Variants in GARIN2 observed in about 807,000 individuals in gnomAD.
GARIN2 encodes the protein Golgi-associated RAB2 interactor protein 2.
At chr14:67,193,053 T>A in the GARIN2 span, among the ~76,000 whole-genome samples, 15 of 145,320 alleles carry the variant, frequency 1.0e-4, 1 homozygote, top group Non-Finnish European at 1.5e-5. Context: ...GATATAGATA[T>A]ATCTCTATAT....
At chr14:67,203,033 G>A in the GARIN2 span, 5 of 1,546,696 alleles carry the variant, frequency 3.2e-6, no homozygotes, top group Non-Finnish European at 4.4e-6. Context: ...TCTCAGGCAA[G>A]CAAGGTTGTC....
the GARIN2 span, among the ~76,000 whole-genome samples, chr14:67,207,037 G>A: frequency 3.3e-5 from 5 of 151,980 alleles, no homozygotes; most frequent in African/African-American, 9.7e-5. Context: ...TTCCAAATAC[G>A]CTATAATAAA....
the GARIN2 span, among the ~76,000 whole-genome samples, chr14:67,193,719 G>T: frequency 6.8e-6 from 1 of 147,224 alleles, no homozygotes; most frequent in Non-Finnish European, 1.5e-5. Context: ...AAAACAGGTG[G>T]ATCACTTGAG....
the GARIN2 span, among the ~76,000 whole-genome samples, chr14:67,193,052 A>C: frequency 6.9e-6 from 1 of 145,204 alleles, no homozygotes; most frequent in African/African-American, 2.5e-5. Context: ...AGATATAGAT[A>C]TATCTCTATA....
chr14:67,218,014 C>T, the GARIN2 span, among the ~76,000 whole-genome samples: 23,895 of 151,984 alleles, frequency 0.16, 3,552 homozygotes, highest in East Asian at 0.42. Flanking sequence ...GTGGATGCAA[C>T]AGTGTAGTCT....
chr14:67,206,591 ATAAAATGTT>A, the GARIN2 span, among the ~76,000 whole-genome samples: 7 of 152,194 alleles, frequency 4.6e-5, no homozygotes, highest in Admixed American at 6.5e-5. Context: ...AATGCTTATA[ATAAAATGTT>A]AAGTGAAAAA....
At chr14:67,193,539 A>G in the GARIN2 span, among the ~76,000 whole-genome samples, 1 of 144,400 alleles carries the variant, frequency 6.9e-6, no homozygotes, top group Non-Finnish European at 1.5e-5. Context: ...ATCTATAGAA[A>G]TATATATCTA....
chr14:67,203,298 G>T, the GARIN2 span: 150 of 1,566,708 alleles, frequency 9.6e-5, no homozygotes, highest in Non-Finnish European at 1.2e-4. Flanking sequence ...CACCAGGTGA[G>T]TTACAAAGAG....
the GARIN2 span, among the ~76,000 whole-genome samples, chr14:67,190,839 G>C: frequency 6.6e-6 from 1 of 152,160 alleles, no homozygotes; most frequent in Non-Finnish European, 1.5e-5. Flanking sequence ...AAATCACCCA[G>C]GTAAATGCCA....
the GARIN2 span, among the ~76,000 whole-genome samples, chr14:67,212,516 G>A: frequency 3.3e-5 from 5 of 150,206 alleles, no homozygotes; most frequent in South Asian, 1.1e-3. Context: ...ACCTAATCCT[G>A]GGGGGTTGAG....
At chr14:67,214,382 A>G in the GARIN2 span, among the ~76,000 whole-genome samples, 1 of 152,192 alleles carries the variant, frequency 6.6e-6, no homozygotes, top group Admixed American at 6.5e-5. Flanking sequence ...CTTTCTACAT[A>G]TGGCTAGCCA....
chr14:67,225,970 C>T, the GARIN2 span, among the ~76,000 whole-genome samples: 21,151 of 104,786 alleles, frequency 0.2, 2,798 homozygotes, highest in East Asian at 0.46. Flanking sequence ...TGTGCGCGCG[C>T]GCGCGTGCGC....
the GARIN2 span, chr14:67,198,088 GAT>G: frequency 6.6e-7 from 1 of 1,524,324 alleles, no homozygotes; most frequent in Non-Finnish European, 8.8e-7. Flanking sequence ...ACTTAATTAT[GAT>G]ATTAAATTCT....
At chr14:67,217,646 T>G in the GARIN2 span, among the ~76,000 whole-genome samples, 4 of 152,208 alleles carry the variant, frequency 2.6e-5, no homozygotes, top group African/African-American at 9.6e-5. Context: ...TTTCTATATA[T>G]AAGTCCCTTG....
At chr14:67,208,449 G>C in the GARIN2 span, 2 of 1,611,548 alleles carry the variant, frequency 1.2e-6, no homozygotes, top group Non-Finnish European at 1.7e-6. Context: ...GAAGAATCCA[G>C]GTATGTGAGG....
At chr14:67,203,819 C>T in the GARIN2 span, among the ~76,000 whole-genome samples, 5 of 152,208 alleles carry the variant, frequency 3.3e-5, no homozygotes, top group Non-Finnish European at 7.3e-5. Flanking sequence ...TCAAGCGATT[C>T]TCCTGTCTCA....
At chr14:67,219,784 C>T in the GARIN2 span, among the ~76,000 whole-genome samples, 3 of 152,116 alleles carry the variant, frequency 2.0e-5, no homozygotes, top group Admixed American at 6.6e-5. Flanking sequence ...CAGCTCCCTA[C>T]GCCATTTATC....
chr14:67,217,947 T>G, the GARIN2 span, among the ~76,000 whole-genome samples: 1 of 152,122 alleles, frequency 6.6e-6, no homozygotes, highest in African/African-American at 2.4e-5. Flanking sequence ...AAAGACTTAT[T>G]TATATGAATG....
the GARIN2 span, chr14:67,221,743 T>C: frequency 6.7e-5 from 108 of 1,610,912 alleles, no homozygotes; most frequent in Non-Finnish European, 8.7e-5. Context: ...GTGGTTATGC[T>C]GGCAAATTTT....
Sources: allele counts gnomAD v4.1 joint callset (sites outside exome capture counted in the v4.1 genomes callset), GRCh38; gene constraint gnomAD v4.1.1; transcripts MANE v1.5; gene names NCBI Gene and HGNC (gene_info 2026-07-23, HGNC 2026-07-21).